The following PAX6 variants were observed in gnomAD, a reference collection of about 807,000 sequenced individuals.
PAX6 encodes paired box protein Pax-6.
PAX6 carries 7 observed loss-of-function variants against 60.7 expected under a neutral mutation model. The ratio of observed to expected loss-of-function variants is 0.12; its 90% CI spans 0.07 to 0.22. The LOEUF is 0.22. Among genes scored for constraint, PAX6 ranks in the 10% least tolerant of loss-of-function variants. The probability of loss-of-function intolerance (pLI) is 1.00; values close to 1 mark genes in which losing one functional copy is unlikely to be tolerated. For synonymous variants in PAX6, 208 were observed against 201.2 expected (o/e 1.03, Z -0.29); for missense variants, 355 against 555.2 (o/e 0.64, Z 3.62).
At chr11:31,793,588 G>C (rs377455992) in intron 11 of PAX6, 35 bp from the exon 12 acceptor site, 17 of 1,613,084 alleles carry the variant, frequency 1.1e-5, no homozygotes, top group African/African-American at 8.0e-5. Flanking sequence ...GTCAGAGTGA[G>C]AGTCAGAGCC....
chr11:31,801,520 G>T, intron 7 of PAX6, 41 bp downstream of exon 7: 2 of 1,613,646 alleles, frequency 1.2e-6, no homozygotes, highest in South Asian at 1.1e-5. Flanking sequence ...AGAGAGCATT[G>T]GGCTTAGGGC....
rs570240072 is a variant in PAX6, at chr11:31,811,181, C to A, written c.-383G>T. The A allele has an allele frequency of 4.5e-4, 180 of 399,422 alleles. No homozygotes were observed. The highest frequency in any genetic ancestry group is 7.1e-4 in the Non-Finnish European group (161 of 226,382). 24.7% of individuals were successfully genotyped at this position (399,422 alleles called of 1,614,324 possible). A position where few individuals can be genotyped will look rare whatever the true frequency, so the allele number is the denominator to read the frequency against. On this transcript the variant is annotated 5_prime_UTR_variant, in exon 1 of 14. Transcript: ENST00000640368. ...TGCCGGCGCCCGGCCTCGCCTCCAC[C>A]GCTCCTCACTGGCCCATTAGCGAAG...
intron 2 of PAX6, chr11:31,808,825 C>G (rs980139186): frequency 6.6e-6 from 1 of 152,228 alleles, no homozygotes; most frequent in Admixed American, 6.5e-5. Context: ...GGAAGTGGGG[C>G]ACATCGACAC....
chr11:31,794,301 A>G, intron 9 of PAX6, 187 bp from the exon 10 acceptor site: 1 of 666,588 alleles, frequency 1.5e-6, no homozygotes, highest in Non-Finnish European at 2.7e-6. Flanking sequence ...TTTTCTTTGG[A>G]ATGGCATTCA....
At chr11:31,816,237 C>A (rs997233087), upstream of PAX6, 1 of 224,890 alleles carries the variant, frequency 4.4e-6, no homozygotes, top group East Asian at 9.6e-5. Context: ...CTTTCCAATT[C>A]TAAAATAAAT....
At chr11:31,816,415 A>G in intron 1 of PAX6, 1 of 626,548 alleles carries the variant, frequency 1.6e-6, no homozygotes, top group Admixed American at 2.3e-5. Flanking sequence ...CTGGGCGCGG[A>G]GCGAGGACTC....
upstream of PAX6, chr11:31,811,473 G>A (rs780550087): frequency 5.7e-6 from 2 of 348,108 alleles, no homozygotes; most frequent in Admixed American, 9.6e-5. Context: ...TCCGCCGGTG[G>A]GTCCCGGCTC....
At chr11:31,816,977 C>A (rs1480525415) in intron 1 of PAX6, among the ~76,000 whole-genome samples, 1 of 152,224 alleles carries the variant, frequency 6.6e-6, no homozygotes. Context: ...AAGTTTGGGT[C>A]GTCCCTTCCC....
At position 31,789,872 on chromosome 11, in the gene PAX6, C is replaced by A; in HGVS notation, c.*62G>T. On this transcript the variant is annotated 3_prime_UTR_variant, in exon 14 of 14. Transcript: ENST00000640368. ...TTTCCTGAAAGCTCAACTGTTGTGT[C>A]CCCATAGTCACTGACTGAATTAACA... 1 of 1,418,952 alleles carries A rather than the reference C, an allele frequency of 7.0e-7. No individual in the cohort carries two copies. The highest frequency in any genetic ancestry group is 1.2e-5 in the South Asian group (1 of 82,808). The allele number at this position is 1,418,952 out of a possible 1,614,324, so 87.9% of individuals were successfully genotyped here. A position where few individuals can be genotyped will look rare whatever the true frequency, so the allele number is the denominator to read the frequency against.
At position 31,789,912 on chromosome 11, in the gene PAX6, C is replaced by CTT. The variant is rs759391101; in HGVS notation, c.*20_*21dup. 4.3e-3 allele frequency: 4,441 copies of CTT among 1,039,542 alleles called. 12 individuals carry two copies. Among genetic ancestry groups the CTT allele is most frequent in the African/African-American group, 1.0e-2 (459 of 46,068 alleles). 64.4% of individuals were successfully genotyped at this position (1,039,542 alleles called of 1,614,324 possible). A position where few individuals can be genotyped will look rare whatever the true frequency, so the allele number is the denominator to read the frequency against. Reference sequence around the variant, plus strand: ...CTGAATTAACACAATATTTCCTTTCCTTTTTTTTTTTTTTTTTTTTTTTAC... The same window carrying CTT: ...CTGAATTAACACAATATTTCCTTTCCTTTTTTTTTTTTTTTTTTTTTTTTTAC... On this transcript the variant is annotated 3_prime_UTR_variant, in exon 14 of 14. Coordinates refer to ENST00000640368, the MANE Select transcript of PAX6 (RefSeq NM_001368894.2).
At chr11:31,799,268 G>A (rs1342489363) in intron 8 of PAX6, among the ~76,000 whole-genome samples, 2 of 152,092 alleles carry the variant, frequency 1.3e-5, no homozygotes, top group Non-Finnish European at 2.9e-5. Context: ...GCTCGCGGAG[G>A]CGGCGGGTTC....
intron 3 of PAX6, 30 bp from the exon 4 acceptor site, chr11:31,806,492 CGGGCAGCTGCATCA>C: frequency 3.2e-6 from 5 of 1,541,338 alleles, no homozygotes; most frequent in Non-Finnish European, 4.4e-6. Context: ...AGTTAATCCT[CGGGCAGCTGCATCA>C]GGTAGGCCTG....
chr11:31,802,519 A>C, intron 5 of PAX6, 185 bp downstream of exon 5: 2 of 572,434 alleles, frequency 3.5e-6, no homozygotes, highest in Non-Finnish European at 6.0e-6. Context: ...TGAAAGAGAT[A>C]GGGAAGGATG....
intron 7 of PAX6, chr11:31,801,087 T>G: frequency 1.3e-6 from 1 of 742,986 alleles, no homozygotes; most frequent in Non-Finnish European, 2.2e-6. Context: ...CCTTCACCAT[T>G]GCTTGGTGTC....
chr11:31,815,381 C>T (rs1957331060), upstream of PAX6, among the ~76,000 whole-genome samples: 1 of 152,222 alleles, frequency 6.6e-6, no homozygotes, highest in Non-Finnish European at 1.5e-5. Flanking sequence ...TCAAGGCCAC[C>T]TCAGTCCCTT....
chr11:31,794,705 G>T lies in PAX6; in HGVS notation c.649C>A (p.Arg217=). The change falls in exon 9 of 14, where the codon CGA becomes AGA. Residue 217 remains arginine, a synonymous_variant. Coordinates refer to ENST00000640368, the MANE Select transcript of PAX6 (RefSeq NM_001368894.2). ...NGEDSDEAQM[R]LQLKRKLQRN... ...TGCAGCTTCCGCTTCAGCTGAAGTCGCATTTGAGCCTCATCTGAATCTTCT... is the reference window on the plus strand; with the variant it reads ...TGCAGCTTCCGCTTCAGCTGAAGTCTCATTTGAGCCTCATCTGAATCTTCT... 2 of 1,614,076 alleles carry T rather than the reference G, an allele frequency of 1.2e-6. No homozygotes were observed. Among genetic ancestry groups the T allele is most frequent in the East Asian group, 2.2e-5 (1 of 44,884 alleles).
intron 1 of PAX6, among the ~76,000 whole-genome samples, chr11:31,816,809 G>A (rs1244071423): frequency 1.1e-4 from 16 of 152,276 alleles, no homozygotes; most frequent in Non-Finnish European, 7.3e-5. Flanking sequence ...GCGCGAGTGG[G>A]AGTGGGGGTT....
At chr11:31,811,377 G>A, upstream of PAX6, 2 of 398,098 alleles carry the variant, frequency 5.0e-6, no homozygotes, top group African/African-American at 2.1e-5. Flanking sequence ...CAGCGCCGGG[G>A]CCTCGCGCCA....
chr11:31,789,731 C>T lies in PAX6; in HGVS notation c.*203G>A, dbSNP rs1949143896. On this transcript the variant is annotated 3_prime_UTR_variant, in exon 14 of 14. Coordinates refer to ENST00000640368, the MANE Select transcript of PAX6 (RefSeq NM_001368894.2). ...ATACCAAAATGAAGATTTGTTCCAA[C>T]TGATATCGTGCCTTCTGTATACAAA... The T allele has an allele frequency of 1.4e-6, 1 of 706,538 alleles. No homozygotes were observed. Among genetic ancestry groups the T allele is most frequent in the Non-Finnish European group, 2.6e-6 (1 of 385,998 alleles). 43.8% of individuals were successfully genotyped at this position (706,538 alleles called of 1,614,324 possible).
Sources: allele counts gnomAD v4.1 joint callset (sites outside exome capture counted in the v4.1 genomes callset), GRCh38; gene constraint gnomAD v4.1.1; transcripts MANE v1.5; gene names NCBI Gene and HGNC (gene_info 2026-07-23, HGNC 2026-07-21).